The following PRKN variants were observed in gnomAD, a reference collection of about 807,000 sequenced individuals.
PRKN encodes parkin RBR E3 ubiquitin protein ligase, also known as E3 ubiquitin-protein ligase parkin.
Under a neutral mutation model 59.5 loss-of-function variants are expected in PRKN, and 56 were observed. The observed-to-expected ratio is 0.94, with a 90% CI of 0.76 to 1.18. The LOEUF is 1.18. PRKN is among the 50% of genes most tolerant of loss of function. PRKN has a pLI of 0.00. For missense variants in PRKN, 657 were observed against 596.4 expected (o/e 1.10, Z -1.06); for synonymous variants, 250 against 222.1 (o/e 1.13, Z -1.12).
chr6:161,493,975 G>A (rs80281918), intron 9 of PRKN, among the ~76,000 whole-genome samples: 10 of 152,278 alleles, frequency 6.6e-5, no homozygotes, highest in East Asian at 3.9e-4. Context: ...TCGATCAGCC[G>A]TTTCCAGCAA....
rs115045341 is a variant in PRKN at position 161,412,185 on chromosome 6, C to T, written c.1084-25308G>A. 8.7e-3 allele frequency among the ~76,000 whole-genome samples: 1,298 copies of T among 149,426 alleles called. 24 individuals carry two copies. The highest frequency in any genetic ancestry group is 0.03 in the African/African-American group (1,212 of 40,372). On this transcript the variant is annotated intron_variant, in intron 9 of 11. Transcript: ENST00000366898. ...TCCACTCACTCATTCCTTCCTCACT[C>T]ATTCCTCCACTCACTCTTTCCTTCC...
chr6:162,274,274 G>A (rs1027866109), intron 2 of PRKN, among the ~76,000 whole-genome samples: 1 of 151,868 alleles, frequency 6.6e-6, no homozygotes, highest in African/African-American at 2.4e-5. Flanking sequence ...TGCAGTCTCG[G>A]CTTCCAGGGC....
At chr6:162,242,911 A>ACAAC in intron 3 of PRKN, among the ~76,000 whole-genome samples, 1 of 152,128 alleles carries the variant, frequency 6.6e-6, no homozygotes, top group African/African-American at 2.4e-5. Flanking sequence ...ACTTACATTT[A>ACAAC]CATGAAAGAG....
At chr6:162,565,963 C>T (rs1160484385) in intron 1 of PRKN, among the ~76,000 whole-genome samples, 1 of 151,934 alleles carries the variant, frequency 6.6e-6, no homozygotes, top group Non-Finnish European at 1.5e-5. Context: ...GATTTCAAGA[C>T]AAAAACTATA....
chr6:162,727,712 G>C lies in PRKN; in HGVS notation c.-44C>G, dbSNP rs770057490. ...GGCTGCGGGCCAGGAACAGGCCCATGCGCGCAGCGGCGCCAGCCGCGCCTC... is the reference window on the plus strand; with the variant it reads ...GGCTGCGGGCCAGGAACAGGCCCATCCGCGCAGCGGCGCCAGCCGCGCCTC... On this transcript the variant is annotated 5_prime_UTR_variant, in exon 1 of 12. Coordinates refer to ENST00000366898, the MANE Select transcript of PRKN (RefSeq NM_004562.3). The C allele has an allele frequency of 4.5e-6, 7 of 1,551,116 alleles. No homozygotes were observed. The African/African-American group carries it at 8.2e-5, about 18-fold the overall frequency.
chr6:162,022,643 G>A (rs968278134), intron 5 of PRKN, among the ~76,000 whole-genome samples: 1 of 152,048 alleles, frequency 6.6e-6, no homozygotes, highest in Non-Finnish European at 1.5e-5. Flanking sequence ...TCTGTTGATT[G>A]TTTCTTTTGC....
intron 3 of PRKN, among the ~76,000 whole-genome samples, chr6:162,255,729 C>CCATGGTGT (rs1355202451): frequency 1.3e-5 from 2 of 152,208 alleles, no homozygotes; most frequent in African/African-American, 4.8e-5. Context: ...GCAGACACAT[C>CCATGGTGT]ACAGCCCAGG....
At chr6:161,568,080 T>C (rs1780722568) in intron 8 of PRKN, among the ~76,000 whole-genome samples, 1 of 152,258 alleles carries the variant, frequency 6.6e-6, no homozygotes, top group African/African-American at 2.4e-5. Context: ...ACTGTAATTC[T>C]CTAACTCCAG....
chr6:162,407,403 A>G (rs1222190948), intron 2 of PRKN, among the ~76,000 whole-genome samples: 1 of 152,186 alleles, frequency 6.6e-6, no homozygotes, highest in Non-Finnish European at 1.5e-5. Context: ...GGCCTCCCAC[A>G]TCGTGAAAAC....
chr6:162,600,506 G>A (rs1291305490), intron 1 of PRKN, among the ~76,000 whole-genome samples: 3 of 152,142 alleles, frequency 2.0e-5, no homozygotes, highest in Non-Finnish European at 2.9e-5. Flanking sequence ...TACTAAGTCA[G>A]ATCCCATACC....
Position 161,745,990 on chromosome 6 carries a change from G to A in PRKN, c.871+39782C>T, listed in dbSNP as rs536103739. 3.3e-5 allele frequency among the ~76,000 whole-genome samples: 5 copies of A among 152,330 alleles called. No homozygotes were observed. In the East Asian group the frequency reaches 9.7e-4, roughly 29 times the overall value. On this transcript the variant is annotated intron_variant, in intron 7 of 11. Transcript: ENST00000366898. ...GGGGCCTGTGGCCAGGAGGGGAGAC[G>A]AGGCCTCATCGTGGCATTTTCAGGG...
At chr6:162,556,825 C>T (rs79575917) in intron 1 of PRKN, among the ~76,000 whole-genome samples, 11,974 of 151,320 alleles carry the variant, frequency 0.079, 610 homozygotes, top group South Asian at 0.15. Flanking sequence ...GGAATTGCAT[C>T]TGTGAGGGAA....
intron 7 of PRKN, among the ~76,000 whole-genome samples, chr6:161,779,547 C>A: frequency 7.6e-6 from 1 of 131,956 alleles, no homozygotes; most frequent in South Asian, 2.7e-4. Flanking sequence ...TGGGTTCAAG[C>A]GATTCTCCTG....
In PRKN at chr6:161,348,162, C is replaced by G. The variant is rs552155916; in HGVS notation, c.*1937G>C. The G allele has an allele frequency of 5.0e-6, 1 of 199,884 alleles. No individual in the cohort carries two copies. The highest frequency in any genetic ancestry group is 7.6e-5 in the East Asian group (1 of 13,152). 12.4% of individuals were successfully genotyped at this position (199,884 alleles called of 1,614,324 possible). A position where few individuals can be genotyped will look rare whatever the true frequency, so the allele number is the denominator to read the frequency against. ...ATGATGGAAAACACTGTGTGCTCCA[C>G]GTGACAGAAGGGAGCCACCTGATTT... On this transcript the variant is annotated 3_prime_UTR_variant, in exon 12 of 12. Transcript: ENST00000366898. This position sits in a 1 kb window ranked among gnomAD's most constrained non-coding sequence, Gnocchi z 4.9.
In PRKN at chr6:162,302,963, T is replaced by C. The variant is rs796347972; in HGVS notation, c.172-40198A>G. On this transcript the variant is annotated intron_variant, in intron 2 of 11. Transcript: ENST00000366898. ...GGGTGAGTATTATATGCCTTAAACA[T>C]ACACACACACACACACACACACACA... Among the ~76,000 whole-genome samples, 200 of 139,574 alleles carry C rather than the reference T, an allele frequency of 1.4e-3. 2 individuals are homozygous for C. Among genetic ancestry groups the C allele is most frequent in the Middle Eastern group, 3.6e-3 (1 of 280 alleles). 91.6% of individuals were successfully genotyped at this position (139,574 alleles called of 152,430 possible).
At chr6:161,637,668 T>C (rs1783575503) in intron 7 of PRKN, among the ~76,000 whole-genome samples, 1 of 151,614 alleles carries the variant, frequency 6.6e-6, no homozygotes, top group African/African-American at 2.4e-5. Flanking sequence ...GTAGAGCTTA[T>C]CTTGAGATGA....
intron 1 of PRKN, among the ~76,000 whole-genome samples, chr6:162,647,412 A>C (rs991553447): frequency 1.3e-5 from 2 of 152,098 alleles, no homozygotes; most frequent in Non-Finnish European, 2.9e-5. Context: ...CTTAACACTC[A>C]TTTTATTTGG....
intron 2 of PRKN, among the ~76,000 whole-genome samples, chr6:162,392,647 C>T (rs1787262109): frequency 6.6e-6 from 1 of 152,188 alleles, no homozygotes; most frequent in Admixed American, 6.5e-5. Context: ...CCAACATTTG[C>T]AGTCATTAGA....
intron 6 of PRKN, among the ~76,000 whole-genome samples, chr6:161,895,221 G>C (rs889419331): frequency 6.6e-6 from 1 of 152,118 alleles, no homozygotes; most frequent in African/African-American, 2.4e-5. Context: ...AAACACCCTG[G>C]TAAAGCTTTG....
Sources: allele counts gnomAD v4.1 joint callset (sites outside exome capture counted in the v4.1 genomes callset), GRCh38; gene constraint gnomAD v4.1.1; non-coding constraint Gnocchi (gnomAD v3.1); transcripts MANE v1.5; gene names NCBI Gene and HGNC (gene_info 2026-07-23, HGNC 2026-07-21).